The following CHRM3 variants were observed in gnomAD, a reference collection of about 807,000 sequenced individuals.
CHRM3 encodes muscarinic acetylcholine receptor M3.
Under a neutral mutation model 41.8 loss-of-function variants are expected in CHRM3, and 11 were observed. That is an observed-to-expected ratio of 0.26 (90% CI 0.17 to 0.44). The LOEUF is 0.44. CHRM3 is among the 20% of genes least tolerant of loss of function. The pLI is 1.00. For synonymous variants in CHRM3, 297 were observed against 301.4 expected (o/e 0.99, Z 0.15); for missense variants, 571 against 745.4 (o/e 0.77, Z 2.72).
intron 6 of CHRM3, among the ~76,000 whole-genome samples, chr1:239,853,845 C>G (rs1291429944): frequency 6.6e-6 from 1 of 151,980 alleles, no homozygotes; most frequent in Non-Finnish European, 1.5e-5. Context: ...ATTTTTGAAC[C>G]AATCTTATTT....
chr1:239,863,479 GCCAGAACCTTACC>G (rs1675812088), intron 6 of CHRM3, among the ~76,000 whole-genome samples: 1 of 152,120 alleles, frequency 6.6e-6, no homozygotes, highest in African/African-American at 2.4e-5. Flanking sequence ...TGCCTTACTG[GCCAGAACCTTACC>G]TTAGTCCAGC....
chr1:239,775,796 G>A (rs1050248957), intron 5 of CHRM3, among the ~76,000 whole-genome samples: 6 of 152,206 alleles, frequency 3.9e-5, no homozygotes, highest in African/African-American at 1.4e-4. Context: ...AGGATTTGAA[G>A]AGAAGGAGCT....
chr1:239,737,461 G>T (rs945021263), intron 5 of CHRM3, among the ~76,000 whole-genome samples: 2 of 152,186 alleles, frequency 1.3e-5, no homozygotes, highest in Middle Eastern at 3.4e-3. Context: ...AACTAACCCC[G>T]TTTAGAGGTG....
chr1:239,841,530 A>G (rs1673801209), intron 6 of CHRM3, among the ~76,000 whole-genome samples: 1 of 152,162 alleles, frequency 6.6e-6, no homozygotes, highest in African/African-American at 2.4e-5. Flanking sequence ...ACAGACCCCA[A>G]ATTGTTTTTC....
intron 1 of CHRM3, among the ~76,000 whole-genome samples, chr1:239,398,387 C>T (rs1659679360): frequency 6.6e-6 from 1 of 152,130 alleles, no homozygotes; most frequent in African/African-American, 2.4e-5. Flanking sequence ...AGGCGTGTGC[C>T]ACCACGCCTG....
intron 5 of CHRM3, among the ~76,000 whole-genome samples, chr1:239,690,704 T>C (rs573632130): frequency 6.6e-6 from 1 of 152,266 alleles, no homozygotes; most frequent in East Asian, 1.9e-4. Flanking sequence ...TTCACAATAA[T>C]TTTCTTCTCT....
intron 2 of CHRM3, among the ~76,000 whole-genome samples, chr1:239,525,992 C>G (rs910485465): frequency 6.6e-6 from 1 of 152,208 alleles, no homozygotes; most frequent in African/African-American, 2.4e-5. Flanking sequence ...ATGCTTCTAT[C>G]AGCCATCCAG....
intron 2 of CHRM3, among the ~76,000 whole-genome samples, chr1:239,543,506 T>A (rs1319132732): frequency 6.6e-6 from 1 of 150,584 alleles, no homozygotes; most frequent in African/African-American, 2.4e-5. Context: ...AGCAACCGAT[T>A]TATTTTATTT....
chr1:239,685,862 CA>C (rs1031833622), intron 5 of CHRM3, among the ~76,000 whole-genome samples: 3 of 151,310 alleles, frequency 2.0e-5, no homozygotes, highest in African/African-American at 7.3e-5. Context: ...AAAAAACAAA[CA>C]AAAAAAACTG....
intron 6 of CHRM3, among the ~76,000 whole-genome samples, chr1:239,860,254 A>G (rs372198231): frequency 6.6e-6 from 1 of 152,202 alleles, no homozygotes; most frequent in Non-Finnish European, 1.5e-5. Flanking sequence ...CTGATATTGC[A>G]TTTATAAAAT....
chr1:239,657,695 C>T (rs560978968), intron 4 of CHRM3, among the ~76,000 whole-genome samples: 170 of 152,300 alleles, frequency 1.1e-3, no homozygotes, highest in African/African-American at 3.9e-3. Context: ...CACTTGAATA[C>T]ACATTTTGAT....
intron 5 of CHRM3, among the ~76,000 whole-genome samples, chr1:239,755,475 A>C (rs1666166735): frequency 6.6e-6 from 1 of 152,240 alleles, no homozygotes; most frequent in African/African-American, 2.4e-5. Flanking sequence ...CAATTCTAAG[A>C]AACTTGGTTA....
intron 4 of CHRM3, among the ~76,000 whole-genome samples, chr1:239,641,998 A>C (rs1211862639): frequency 7.9e-6 from 1 of 127,050 alleles, no homozygotes; most frequent in East Asian, 2.1e-4. Context: ...TTGTCTGTAA[A>C]GAATTTTATT....
chr1:239,444,192 C>T (rs770270781), intron 1 of CHRM3, among the ~76,000 whole-genome samples: 3 of 152,024 alleles, frequency 2.0e-5, no homozygotes, highest in Admixed American at 6.6e-5. Context: ...TCAGGAGTCA[C>T]GGAATTAGTC....
chr1:239,855,753 T>A (rs1465997898), intron 6 of CHRM3, among the ~76,000 whole-genome samples: 1 of 152,176 alleles, frequency 6.6e-6, no homozygotes, highest in East Asian at 1.9e-4. Context: ...GGAAGAATGT[T>A]ACAATCAACA....
chr1:239,766,670 G>T (rs373840182), intron 5 of CHRM3, among the ~76,000 whole-genome samples: 61 of 106,530 alleles, frequency 5.7e-4, no homozygotes, highest in African/African-American at 2.0e-3. Flanking sequence ...TATGGATATA[G>T]ATATATAGAT....
chr1:239,879,777 G>T (rs1476777743), intron 6 of CHRM3, among the ~76,000 whole-genome samples: 4 of 152,124 alleles, frequency 2.6e-5, no homozygotes, highest in African/African-American at 9.7e-5. Context: ...TCAACCACAT[G>T]GTCCCTCCAC....
chr1:239,830,470 G>A (rs902187336), intron 6 of CHRM3, among the ~76,000 whole-genome samples: 6 of 152,146 alleles, frequency 3.9e-5, no homozygotes, highest in Admixed American at 3.3e-4. Context: ...TTGGGAGGCC[G>A]AGGCGGGCGG....
At chr1:239,684,776 GAGAA>G (rs778201553) in intron 5 of CHRM3, among the ~76,000 whole-genome samples, 1 of 61,178 alleles carries the variant, frequency 1.6e-5, no homozygotes, top group Admixed American at 1.8e-4. Context: ...GAAAGAGAAA[GAGAA>G]AGAAAAGAGA....
Sources: gnomAD v4.1 joint callset for allele counts (sites outside exome capture counted in the v4.1 genomes callset) on GRCh38, gnomAD v4.1.1 for gene constraint, MANE v1.5 for transcripts, NCBI Gene and HGNC (gene_info 2026-07-23, HGNC 2026-07-21) for gene names.